EAPP: variants seen among roughly 807,000 people sequenced by gnomAD.
EAPP encodes E2F-associated phosphoprotein.
EAPP carries 38 observed loss-of-function variants against 34.3 expected under a neutral mutation model. The observed-to-expected ratio is 1.11, with a 90% CI of 0.85 to 1.45. EAPP has a LOEUF of 1.45. Among genes scored for constraint, EAPP ranks in the 40% most tolerant of loss-of-function variants. The pLI, the probability that EAPP is intolerant of heterozygous loss-of-function variation, is 0.00. For missense variants in EAPP, 338 were observed against 343.7 expected (o/e 0.98, Z 0.13); for synonymous variants, 113 against 117.6 (o/e 0.96, Z 0.25).
chr14:34,535,437 A>ATTTTTT (rs71121207), intron 2 of EAPP, among the ~76,000 whole-genome samples: 3 of 135,288 alleles, frequency 2.2e-5, no homozygotes, highest in Non-Finnish European at 3.1e-5. Flanking sequence ...GTCGCTACAG[A>ATTTTTT]TTTTTTTTTT....
intron 4 of EAPP, among the ~76,000 whole-genome samples, chr14:34,528,309 T>A (rs1450918523): frequency 6.6e-6 from 1 of 151,818 alleles, no homozygotes; most frequent in African/African-American, 2.4e-5. Flanking sequence ...GTGCTGGGAT[T>A]ACAGGTGTGA....
At chr14:34,517,882 C>T (rs1879790216) in intron 5 of EAPP, among the ~76,000 whole-genome samples, 1 of 151,798 alleles carries the variant, frequency 6.6e-6, no homozygotes, top group Non-Finnish European at 1.5e-5. Flanking sequence ...TCAAGCGATT[C>T]TCCTGCCTCA....
Position 34,526,477 on chromosome 14 carries a change from G to A in EAPP, c.471-1670C>T, listed in dbSNP as rs949858470. Among the ~76,000 whole-genome samples, 55 of 151,674 alleles carry A rather than the reference G, an allele frequency of 3.6e-4. 1 individual carries two copies. The highest frequency in any genetic ancestry group is 3.5e-3 in the South Asian group (17 of 4,814). On this transcript the variant is annotated intron_variant, in intron 4 of 5. Coordinates refer to ENST00000250454, the MANE Select transcript of EAPP (RefSeq NM_018453.4). ...ATAGAGCCAGGCTGGAATTACACCT[G>A]TAATCCCAGGCCAAGGTGGGCAGAT...
intron 3 of EAPP, among the ~76,000 whole-genome samples, chr14:34,531,969 G>A (rs970836138): frequency 4.0e-5 from 6 of 149,570 alleles, no homozygotes; most frequent in African/African-American, 9.9e-5. Context: ...CCAGCTACTC[G>A]GGAGGCTGAG....
rs76176562 is a variant in EAPP, at chr14:34,516,500, G to A, written c.668C>T (p.Ser223Leu). The A allele has an allele frequency of 2.3e-4, 370 of 1,614,118 alleles. No homozygotes were observed. Among genetic ancestry groups the A allele is most frequent in the Non-Finnish European group, 2.8e-4 (327 of 1,180,018 alleles). Residue 223 changes from serine (S) to leucine (L), a missense_variant, in exon 6 of 6, where the codon TCA becomes TTA. Coordinates refer to ENST00000250454, the MANE Select transcript of EAPP (RefSeq NM_018453.4). ...NKEEVLRYKA[S>L]ENRKKRRVHK... Reference sequence around the variant, plus strand: ...GACCCGCCTTTTCTTCCTGTTCTCTGAGGCTTTATATCTTAGAACCTCCTC... The same window carrying A: ...GACCCGCCTTTTCTTCCTGTTCTCTAAGGCTTTATATCTTAGAACCTCCTC...
chr14:34,517,138 T>C (rs988558638), intron 5 of EAPP, among the ~76,000 whole-genome samples: 5 of 151,428 alleles, frequency 3.3e-5, no homozygotes, highest in Admixed American at 6.6e-5. Context: ...TGGGGTTTCA[T>C]TGTGTTAGCC....
At chr14:34,529,677 C>T (rs1400360740) in intron 3 of EAPP, among the ~76,000 whole-genome samples, 2 of 152,014 alleles carry the variant, frequency 1.3e-5, no homozygotes, top group Non-Finnish European at 2.9e-5. Context: ...GTCAGGAGAT[C>T]GAGACCAGCC....
intron 5 of EAPP, among the ~76,000 whole-genome samples, chr14:34,519,067 C>T (rs938245849): frequency 2.6e-5 from 4 of 152,180 alleles, no homozygotes; most frequent in Non-Finnish European, 5.9e-5. Context: ...GGAGGTGGGA[C>T]CTGGTGGGAG....
chr14:34,523,261 G>A (rs866796053), intron 5 of EAPP, among the ~76,000 whole-genome samples: 20 of 144,464 alleles, frequency 1.4e-4, no homozygotes, highest in Admixed American at 6.5e-4. Context: ...TTTTTGAGAC[G>A]GAGTCTCGCT....
chr14:34,538,181 C>T (rs1880538117), intron 1 of EAPP, among the ~76,000 whole-genome samples: 1 of 152,096 alleles, frequency 6.6e-6, no homozygotes, highest in Non-Finnish European at 1.5e-5. Context: ...AGTTCAAGAC[C>T]AGCCTGGCCA....
At position 34,516,591 on chromosome 14, in the gene EAPP, G is replaced by A; in HGVS notation, c.582-5C>T. ...TGAGTTTTGTATGATTCATGCCTAA[G>A]AGAAAAATGAAATGGAGAATTGGGG... On this transcript the variant is annotated splice_region_variant and splice_polypyrimidine_tract_variant and intron_variant, in intron 5 of 5. Transcript: ENST00000250454. 6.3e-7 allele frequency: 1 copy of A among 1,596,040 alleles called. No individual in the cohort carries two copies. Among genetic ancestry groups the A allele is most frequent in the Non-Finnish European group, 8.5e-7 (1 of 1,173,358 alleles).
chr14:34,530,095 G>A (rs1219105177), intron 3 of EAPP, among the ~76,000 whole-genome samples: 1 of 152,060 alleles, frequency 6.6e-6, no homozygotes, highest in Non-Finnish European at 1.5e-5. Flanking sequence ...AGCTACCTGG[G>A]AGGCTGAGGC....
rs1434988016 is a variant in EAPP at position 34,516,206 on chromosome 14, C to T, written c.*104G>A. 4.6e-6 allele frequency: 5 copies of T among 1,094,232 alleles called. No homozygotes were observed. Among genetic ancestry groups the T allele is most frequent in the Non-Finnish European group, 6.5e-6 (5 of 771,448 alleles). The allele number at this position is 1,094,232 out of a possible 1,614,324, so 67.8% of individuals were successfully genotyped here. A position where few individuals can be genotyped will look rare whatever the true frequency, so the allele number is the denominator to read the frequency against. ...CTATTCTCCTTTAAAAAGAGAAACA[C>T]TGCTTCCTCAATGTCACTGAAGGAT... On this transcript the variant is annotated 3_prime_UTR_variant, in exon 6 of 6. Transcript: ENST00000250454.
At position 34,516,323 on chromosome 14, in the gene EAPP, GC is replaced by G; in HGVS notation, c.844del (p.Ala282GlnfsTer18). The G allele has an allele frequency of 3.7e-6, 6 of 1,611,648 alleles. No homozygotes were observed. The highest frequency in any genetic ancestry group is 5.1e-6 in the Non-Finnish European group (6 of 1,178,544). ...DEVFHFFNVL[A>X]SHS ...CAGTTGGGCTGTTTAGGAATGGCTTGCTAAAACATTGAAAAAATGAAAGACT... is the reference window on the plus strand; with the variant it reads ...CAGTTGGGCTGTTTAGGAATGGCTTGTAAAACATTGAAAAAATGAAAGACT... On this transcript the variant is annotated frameshift_variant, in exon 6 of 6. Coordinates refer to ENST00000250454, the MANE Select transcript of EAPP (RefSeq NM_018453.4). LOFTEE classifies it high-confidence loss of function.
chr14:34,535,525 T>C (rs868760819), intron 2 of EAPP, among the ~76,000 whole-genome samples: 7 of 147,200 alleles, frequency 4.8e-5, no homozygotes, highest in Non-Finnish European at 9.0e-5. Context: ...CTCCGTCTCC[T>C]GGGTTCATGC....
At chr14:34,533,628 C>T (rs771059859) in intron 2 of EAPP, 89 bp from the exon 3 acceptor site, 4 of 782,484 alleles carry the variant, frequency 5.1e-6, no homozygotes, top group Non-Finnish European at 8.2e-6. Flanking sequence ...CACCTCAAAA[C>T]AATATCAACT....
At position 34,516,308 on chromosome 14, in the gene EAPP, G is replaced by A. The variant is rs1253186541; in HGVS notation, c.*2C>T. 6 of 1,607,762 alleles carry A rather than the reference G, an allele frequency of 3.7e-6. No individual in the cohort carries two copies. The highest frequency in any genetic ancestry group is 2.2e-5 in the East Asian group (1 of 44,826). On this transcript the variant is annotated 3_prime_UTR_variant, in exon 6 of 6. Transcript: ENST00000250454. Reference sequence around the variant, plus strand: ...TGGGTAATTAAATGCCAGTTGGGCTGTTTAGGAATGGCTTGCTAAAACATT... The same window carrying A: ...TGGGTAATTAAATGCCAGTTGGGCTATTTAGGAATGGCTTGCTAAAACATT...
intron 5 of EAPP, among the ~76,000 whole-genome samples, chr14:34,517,309 C>T (rs1398701144): frequency 4.9e-5 from 7 of 144,248 alleles, no homozygotes; most frequent in Admixed American, 1.4e-4. Flanking sequence ...AGTGCAATGG[C>T]GTGATCTCAG....
At chr14:34,533,397 C>CT (rs1880358854) in intron 3 of EAPP, 47 bp downstream of exon 3, 1 of 1,489,984 alleles carries the variant, frequency 6.7e-7, no homozygotes, top group Non-Finnish European at 9.3e-7. Flanking sequence ...TTAGGTAAAC[C>CT]TTTTTTATAA....
Sources: gnomAD v4.1 joint callset for allele counts (sites outside exome capture counted in the v4.1 genomes callset) on GRCh38, gnomAD v4.1.1 for gene constraint, MANE v1.5 for transcripts, NCBI Gene and HGNC (gene_info 2026-07-23, HGNC 2026-07-21) for gene names.